Variants in MYO3B observed in about 807,000 individuals in gnomAD.
MYO3B encodes myosin IIIB, also known as myosin-IIIb.
MYO3B carries 156 observed loss-of-function variants against 174.6 expected under a neutral mutation model. The observed-to-expected ratio is 0.89, with a 90% CI of 0.78 to 1.02. MYO3B has a LOEUF of 1.02. MYO3B is among the 50% of genes least tolerant of loss of function. The probability of loss-of-function intolerance (pLI) is 0.00; values close to 1 mark genes in which losing one functional copy is unlikely to be tolerated. For synonymous variants in MYO3B, 563 were observed against 569.1 expected (o/e 0.99, Z 0.15); for missense variants, 1,632 against 1,639.4 (o/e 1.00, Z 0.08).
At chr2:170,621,486 A>G (rs999288895) in intron 32 of MYO3B, among the ~76,000 whole-genome samples, 6 of 150,794 alleles carry the variant, frequency 4.0e-5, no homozygotes, top group Admixed American at 4.0e-4. Flanking sequence ...TTTTCTTACT[A>G]CCAACTGGAA....
chr2:170,538,883 C>A (rs546672924), intron 30 of MYO3B, among the ~76,000 whole-genome samples: 36 of 152,336 alleles, frequency 2.4e-4, no homozygotes, highest in African/African-American at 8.4e-4. Flanking sequence ...TAGCCATATA[C>A]ACTGCTTCTG....
chr2:170,362,507 C>T (rs981712569), intron 8 of MYO3B, among the ~76,000 whole-genome samples: 1 of 152,196 alleles, frequency 6.6e-6, no homozygotes, highest in Non-Finnish European at 1.5e-5. Flanking sequence ...ACTCTATTCC[C>T]GTTACTCATT....
At chr2:170,251,210 T>TA (rs2093249591) in intron 7 of MYO3B, among the ~76,000 whole-genome samples, 2 of 152,108 alleles carry the variant, frequency 1.3e-5, no homozygotes, top group Non-Finnish European at 2.9e-5. Flanking sequence ...TTTGATTCTT[T>TA]ACTGCAACTC....
chr2:170,314,038 G>A (rs1008407786), intron 7 of MYO3B, among the ~76,000 whole-genome samples: 1 of 152,200 alleles, frequency 6.6e-6, no homozygotes, highest in African/African-American at 2.4e-5. Flanking sequence ...GGGGAAAGAA[G>A]GGGACTGTGC....
At chr2:170,446,115 C>T (rs1336168077) in intron 23 of MYO3B, among the ~76,000 whole-genome samples, 1 of 152,162 alleles carries the variant, frequency 6.6e-6, no homozygotes, top group African/African-American at 2.4e-5. Context: ...GAAATGTGTG[C>T]GTCAGGGGAC....
chr2:170,340,569 C>T (rs1246245240), intron 8 of MYO3B: 1 of 152,158 alleles, frequency 6.6e-6, no homozygotes, highest in Admixed American at 6.5e-5. Context: ...CAGGAGCCTT[C>T]ACTCAAAAAC....
chr2:170,644,715 G>A (rs981613255), intron 32 of MYO3B: 1 of 152,322 alleles, frequency 6.6e-6, no homozygotes, highest in African/African-American at 2.4e-5. Context: ...GTGACAGATT[G>A]ACTGAATTCA....
At chr2:170,547,593 A>G (rs1690608423) in intron 32 of MYO3B, among the ~76,000 whole-genome samples, 1 of 152,224 alleles carries the variant, frequency 6.6e-6, no homozygotes, top group African/African-American at 2.4e-5. Flanking sequence ...GCTATGTGCC[A>G]GGAACTGAGC....
chr2:170,248,307 T>C lies in MYO3B; in HGVS notation c.749+12171T>C, dbSNP rs571919357. Among the ~76,000 whole-genome samples the C allele has an allele frequency of 7.9e-5, 12 of 152,266 alleles. No individual in the cohort carries two copies. The South Asian group carries it at 2.5e-3, about 32-fold the overall frequency. On this transcript the variant is annotated intron_variant, in intron 7 of 34. Transcript: ENST00000408978. ...AACCTAGGCCTCCAAGTCACAGGGA[T>C]CCTATCTGCCTGATAATACTGCTTT...
intron 1 of MYO3B, among the ~76,000 whole-genome samples, chr2:170,181,943 T>A (rs992420726): frequency 2.0e-5 from 3 of 152,130 alleles, no homozygotes; most frequent in Admixed American, 2.0e-4. Flanking sequence ...ACAAATGGTA[T>A]CTCATTAGTT....
intron 31 of MYO3B, among the ~76,000 whole-genome samples, chr2:170,543,546 T>A (rs1690263493): frequency 6.6e-6 from 1 of 152,188 alleles, no homozygotes; most frequent in African/African-American, 2.4e-5. Context: ...TTCCTATAGG[T>A]TTTCTTTTTT....
At position 170,653,208 on chromosome 2, in the gene MYO3B, G is replaced by A. The variant is rs915562730; in HGVS notation, c.*87G>A. ...TCATTGCGTAAGAAAGCACTGATAT[G>A]GGGTCAGCTTCTTTGGACATATGGT... On this transcript the variant is annotated 3_prime_UTR_variant, in exon 35 of 35. Coordinates refer to ENST00000408978, the MANE Select transcript of MYO3B (RefSeq NM_138995.5). 177 of 1,525,450 alleles carry A rather than the reference G, an allele frequency of 1.2e-4. No homozygotes were observed. Among genetic ancestry groups the A allele is most frequent in the Non-Finnish European group, 1.5e-4 (169 of 1,108,442 alleles). The allele number at this position is 1,525,450 out of a possible 1,614,324, so 94.5% of individuals were successfully genotyped here. A position where few individuals can be genotyped will look rare whatever the true frequency, so the allele number is the denominator to read the frequency against.
Position 170,466,493 on chromosome 2 carries a change from T to A in MYO3B, c.2809-13T>A. 1 of 1,613,536 alleles carries A rather than the reference T, an allele frequency of 6.2e-7. No individual in the cohort carries two copies. Among genetic ancestry groups the A allele is most frequent in the Non-Finnish European group, 8.5e-7 (1 of 1,179,662 alleles). On this transcript the variant is annotated splice_polypyrimidine_tract_variant and intron_variant, in intron 24 of 34. Transcript: ENST00000408978. ...TGGTAACCTTGTTCCTTGTGCATTT[T>A]TCTCCCTGGTAGTATTCTCTGATGG...
In MYO3B at chr2:170,413,449, C is replaced by A. The variant is rs544210447; in HGVS notation, c.2650+5605C>A. Among the ~76,000 whole-genome samples, 474 of 152,122 alleles carry A rather than the reference C, an allele frequency of 3.1e-3. 5 individuals are homozygous for A. Among genetic ancestry groups the A allele is most frequent in the African/African-American group, 0.011 (455 of 41,468 alleles). ...GCAGGCTGCTGAGCAGAGGATGGCT[C>A]GTGATGCTGATCTGAACTGCCGTGA... On this transcript the variant is annotated intron_variant, in intron 22 of 34. Coordinates refer to ENST00000408978, the MANE Select transcript of MYO3B (RefSeq NM_138995.5).
intron 22 of MYO3B, among the ~76,000 whole-genome samples, chr2:170,426,417 G>A (rs1237861505): frequency 6.7e-6 from 1 of 150,044 alleles, no homozygotes; most frequent in Non-Finnish European, 1.5e-5. Flanking sequence ...CTCACTGCAA[G>A]CTCTGCCTCC....
chr2:170,421,373 T>C, intron 22 of MYO3B, among the ~76,000 whole-genome samples: 1 of 152,220 alleles, frequency 6.6e-6, no homozygotes, highest in Non-Finnish European at 1.5e-5. Context: ...AATCAATTGC[T>C]GGCCCCCTTC....
chr2:170,226,183 A>T (rs143083158), intron 6 of MYO3B, among the ~76,000 whole-genome samples: 1 of 152,006 alleles, frequency 6.6e-6, no homozygotes, highest in Non-Finnish European at 1.5e-5. Flanking sequence ...GATTCATGGG[A>T]CCCTGTCTGC....
At chr2:170,487,955 G>A (rs1209985590) in intron 25 of MYO3B, among the ~76,000 whole-genome samples, 1 of 152,154 alleles carries the variant, frequency 6.6e-6, no homozygotes, top group Non-Finnish European at 1.5e-5. Context: ...GAAAAAAATA[G>A]AGAAATAAAA....
At chr2:170,463,500 C>A in intron 24 of MYO3B, 55 bp downstream of exon 24, 1 of 1,492,432 alleles carries the variant, frequency 6.7e-7, no homozygotes, top group Non-Finnish European at 9.3e-7. Context: ...ACTGTCTAAG[C>A]CTTCTTATGA....
Sources: allele counts gnomAD v4.1 joint callset (sites outside exome capture counted in the v4.1 genomes callset), GRCh38; gene constraint gnomAD v4.1.1; transcripts MANE v1.5; gene names NCBI Gene and HGNC (gene_info 2026-07-23, HGNC 2026-07-21).